USP9X: variants seen among roughly 807,000 people sequenced by gnomAD.
The protein encoded by USP9X is ubiquitin specific peptidase 9 X-linked, also known as ubiquitin carboxyl-terminal hydrolase 9X.
A neutral mutation model predicts 190.3 loss-of-function variants in USP9X; 7 were observed. The ratio of observed to expected loss-of-function variants is 0.04; its 90% confidence interval spans 0.02 to 0.07. USP9X has a LOEUF of 0.07. Ranked by LOEUF, USP9X falls within the 10% of genes least tolerant of loss-of-function variation. USP9X has a pLI of 1.00. For missense variants in USP9X, 1,010 were observed against 1,916.9 expected (o/e 0.53, Z 8.83); for synonymous variants, 645 against 659.5 (o/e 0.98, Z 0.34).
intron 36 of USP9X, among the ~76,000 whole-genome samples, chrX:41,217,655 G>A (rs1364740187): frequency 2.7e-5 from 3 of 111,832 alleles, no homozygotes; most frequent in Non-Finnish European, 5.6e-5. Flanking sequence ...GGAAGCCAGG[G>A]TGGGAGGATT....
At chrX:41,129,249 C>A in intron 3 of USP9X, 104 bp downstream of exon 3, 1 of 811,544 alleles carries the variant, frequency 1.2e-6, no homozygotes. Flanking sequence ...GCTTTATAAC[C>A]CATGATTCTT....
At position 41,111,302 on chromosome X, in the gene USP9X, C is replaced by T. The variant is rs778986132; in HGVS notation, c.-158-12169C>T. ...GAAGATTGCTATCTGTAAACCAGAA[C>T]GCAGGCCTTCACCAGACGCTAAATA... On this transcript the variant is annotated intron_variant, in intron 1 of 44. Coordinates refer to ENST00000378308, the MANE Select transcript of USP9X (RefSeq NM_001039591.3). 1.8e-4 allele frequency among the ~76,000 whole-genome samples: 20 copies of T among 111,800 alleles called. 1 individual carries two copies. The East Asian group carries it at 3.1e-3, about 17-fold the overall frequency.
In USP9X at chrX:41,196,093, A is replaced by C. The variant is rs1010753428; in HGVS notation, c.3978-158A>C. ...TCATGTATTATGTGGTGTTGGCTTG[A>C]GTGCTTGTTGTGTGTAGGTAGGGTA... On this transcript the variant is annotated intron_variant, in intron 26 of 44. Transcript: ENST00000378308. 8.8e-6 allele frequency: 5 copies of C among 571,382 alleles called. No individual in the cohort carries two copies. In the African/African-American group the frequency reaches 1.1e-4, roughly 13 times the overall value. The allele number at this position is 571,382 out of a possible 1,213,427, so 47.1% of individuals were successfully genotyped here.
chrX:41,216,053 T>C lies in USP9X; in HGVS notation c.5486T>C (p.Val1829Ala). ...GAGCTGGACATGGAACCTTACACAGTTGCAGGTGTCGCAAAGCTGGAAGGG... is the reference window on the plus strand; with the variant it reads ...GAGCTGGACATGGAACCTTACACAGCTGCAGGTGTCGCAAAGCTGGAAGGG... ...PRELDMEPYT[V>A]AGVAKLEGDN... Residue 1829 changes from valine to alanine, a missense_variant, in exon 35 of 45, where the codon GTT becomes GCT. Physicochemically the swap from Val to Ala is moderately conservative, Grantham distance 64. Around this residue, in one of 11 missense-constraint regions of USP9X, gnomAD observed 120 missense variants for 342.7 expected, o/e 0.35. Coordinates refer to ENST00000378308, the MANE Select transcript of USP9X (RefSeq NM_001039591.3). The C allele has an allele frequency of 8.3e-7, 1 of 1,211,754 alleles. No individual in the cohort carries two copies.
At chrX:41,091,195 ATTGAATTTT>A (rs1164394968) in intron 1 of USP9X, among the ~76,000 whole-genome samples, 2 of 63,716 alleles carry the variant, frequency 3.1e-5, no homozygotes, top group African/African-American at 1.2e-4. Flanking sequence ...GTATATGCCA[ATTGAATTTT>A]TTTTGTCACT....
chrX:41,186,425 TCTG>T (rs767322348), intron 23 of USP9X, 89 bp from the exon 24 acceptor site: 1 of 1,034,626 alleles, frequency 9.7e-7, no homozygotes, highest in Non-Finnish European at 1.3e-6. Context: ...AGGAAGTCGT[TCTG>T]CAGGAGTGGG....
intron 12 of USP9X, among the ~76,000 whole-genome samples, chrX:41,149,359 C>T (rs1235105556): frequency 1.8e-5 from 2 of 111,385 alleles, no homozygotes; most frequent in Admixed American, 1.9e-4. Flanking sequence ...AGTATCAGTG[C>T]CTGGCATAGT....
intron 1 of USP9X, among the ~76,000 whole-genome samples, chrX:41,118,220 T>C (rs890000127): frequency 1.8e-5 from 2 of 111,386 alleles, no homozygotes; most frequent in African/African-American, 6.5e-5. Flanking sequence ...GTGGGATGCT[T>C]ACCATCATCC....
chrX:41,137,319 C>T (rs1024539913), intron 6 of USP9X, among the ~76,000 whole-genome samples: 4 of 111,199 alleles, frequency 3.6e-5, no homozygotes, highest in Non-Finnish European at 7.5e-5. Flanking sequence ...TGACCAAGGA[C>T]TCAATTGTTG....
intron 24 of USP9X, among the ~76,000 whole-genome samples, chrX:41,187,203 C>CT (rs1474957834): frequency 8.9e-6 from 1 of 112,275 alleles, no homozygotes; most frequent in Non-Finnish European, 1.9e-5. Context: ...TTTCATCACT[C>CT]TTTATGCACT....
intron 1 of USP9X, 124 bp from the exon 2 acceptor site, chrX:41,123,347 C>A (rs926000699): frequency 7.4e-6 from 2 of 270,968 alleles, no homozygotes; most frequent in East Asian, 8.3e-5. Context: ...TTTTTACTTT[C>A]TCTTCTTGTT....
chrX:41,212,224 G>A (rs1214594069), intron 33 of USP9X, among the ~76,000 whole-genome samples: 1 of 109,287 alleles, frequency 9.2e-6, no homozygotes, highest in Non-Finnish European at 1.9e-5. Flanking sequence ...GATTAAGGGT[G>A]GTGCAAGATG....
intron 14 of USP9X, among the ~76,000 whole-genome samples, chrX:41,156,110 A>C (rs2062576444): frequency 8.9e-6 from 1 of 112,564 alleles, no homozygotes. Flanking sequence ...CAACCATTTA[A>C]CCGGAGAAAA....
At chrX:41,157,034 A>G (rs755320295) in intron 14 of USP9X, among the ~76,000 whole-genome samples, 1 of 112,080 alleles carries the variant, frequency 8.9e-6, no homozygotes, top group Non-Finnish European at 1.9e-5. Context: ...AAGCAGAAAC[A>G]ATCAGAACTG....
At chrX:41,102,588 A>G (rs2062041688) in intron 1 of USP9X, among the ~76,000 whole-genome samples, 1 of 111,470 alleles carries the variant, frequency 9.0e-6, no homozygotes, top group African/African-American at 3.3e-5. Context: ...ACGCCGCTGG[A>G]CTCAAGTCTG....
chrX:41,190,492 G>C (rs1467743386), intron 26 of USP9X, among the ~76,000 whole-genome samples: 2 of 111,457 alleles, frequency 1.8e-5, no homozygotes, highest in Non-Finnish European at 3.8e-5. Context: ...ACCTCCTTGA[G>C]AAGACAATCC....
intron 21 of USP9X, among the ~76,000 whole-genome samples, chrX:41,176,197 A>G (rs1459320555): frequency 8.9e-6 from 1 of 111,836 alleles, no homozygotes; most frequent in Non-Finnish European, 1.9e-5. Context: ...TCTCTACCCC[A>G]GGGACACTCC....
At chrX:41,157,603 A>G (rs1485157872) in intron 14 of USP9X, among the ~76,000 whole-genome samples, 1 of 111,411 alleles carries the variant, frequency 9.0e-6, no homozygotes. Flanking sequence ...TCCCATAGTC[A>G]TATTTCTGTT....
At chrX:41,174,940 T>C (rs1268757099) in intron 21 of USP9X, among the ~76,000 whole-genome samples, 1 of 111,276 alleles carries the variant, frequency 9.0e-6, no homozygotes, top group Non-Finnish European at 1.9e-5. Flanking sequence ...GCCGAGATCA[T>C]GCCACTGCAC....
Sources: allele counts gnomAD v4.1 joint callset (sites outside exome capture counted in the v4.1 genomes callset), GRCh38; gene constraint gnomAD v4.1.1; regional missense constraint gnomAD v4.1.1; transcripts MANE v1.5; gene names NCBI Gene and HGNC (gene_info 2026-07-23, HGNC 2026-07-21).